GPC4: variants seen among roughly 807,000 people sequenced by gnomAD.
The protein encoded by GPC4 is glypican-4.
Under a neutral mutation model 35.0 loss-of-function variants are expected in GPC4, and 10 were observed. The observed-to-expected ratio is 0.29, with a 90% CI of 0.18 to 0.48. The LOEUF is 0.48. Ranked by LOEUF, GPC4 falls within the 20% of genes least tolerant of loss-of-function variation. The pLI, the probability that GPC4 is intolerant of heterozygous loss-of-function variation, is 0.99. For missense variants in GPC4, 322 were observed against 451.3 expected, an observed-to-expected ratio of 0.71 and a Z score of 2.60; for synonymous variants, 167 against 170.2, an observed-to-expected ratio of 0.98 and a Z score of 0.15.
At chrX:133,325,249 A>G (rs969899172) in intron 2 of GPC4, among the ~76,000 whole-genome samples, 3 of 110,387 alleles carry the variant, frequency 2.7e-5, no homozygotes, top group Non-Finnish European at 5.7e-5. Flanking sequence ...ACTCTTTTCA[A>G]TGTTCCTTCT....
chrX:133,317,657 T>G (rs1379596407), intron 3 of GPC4, among the ~76,000 whole-genome samples: 1 of 111,727 alleles, frequency 9.0e-6, no homozygotes, highest in Non-Finnish European at 1.9e-5. Context: ...TTGCACTATT[T>G]TTTTGTTTTT....
At chrX:133,315,667 G>A (rs1052567696) in intron 3 of GPC4, among the ~76,000 whole-genome samples, 2 of 111,568 alleles carry the variant, frequency 1.8e-5, no homozygotes, top group Non-Finnish European at 3.8e-5. Flanking sequence ...AGGGATTAAC[G>A]AAAAGGTCTT....
intron 1 of GPC4, among the ~76,000 whole-genome samples, chrX:133,379,465 G>A (rs1459984350): frequency 1.8e-5 from 2 of 112,069 alleles, no homozygotes; most frequent in Non-Finnish European, 3.8e-5. Context: ...TACTTTTGAA[G>A]TCACGAAAAT....
At chrX:133,358,686 T>C (rs1414824056) in intron 1 of GPC4, among the ~76,000 whole-genome samples, 6 of 111,904 alleles carry the variant, frequency 5.4e-5, no homozygotes, top group East Asian at 5.6e-4. Flanking sequence ...CTCTGTACCA[T>C]TGTGATGCAT....
intron 4 of GPC4, among the ~76,000 whole-genome samples, chrX:133,310,498 T>C (rs911818652): frequency 9.0e-6 from 1 of 111,697 alleles, no homozygotes; most frequent in East Asian, 2.8e-4. Flanking sequence ...TCATTTACAT[T>C]GCTGTCTGGG....
At chrX:133,375,277 G>A (rs928896771) in intron 1 of GPC4, among the ~76,000 whole-genome samples, 18 of 111,410 alleles carry the variant, frequency 1.6e-4, no homozygotes, top group African/African-American at 5.5e-4. Flanking sequence ...AATGGAGGCA[G>A]TTCAGAGTTA....
At chrX:133,336,851 T>C (rs1416154115) in intron 2 of GPC4, among the ~76,000 whole-genome samples, 1 of 110,783 alleles carries the variant, frequency 9.0e-6, no homozygotes, top group Non-Finnish European at 1.9e-5. Context: ...CAGGGTCTTG[T>C]TCTGTTGCCT....
chrX:133,385,816 T>C (rs1040370096), intron 1 of GPC4, among the ~76,000 whole-genome samples: 6 of 110,826 alleles, frequency 5.4e-5, no homozygotes, highest in African/African-American at 2.0e-4. Context: ...AAACTAACGT[T>C]TGATTTGTGG....
At chrX:133,303,841 A>G (rs2068278729) in intron 7 of GPC4, among the ~76,000 whole-genome samples, 1 of 107,895 alleles carries the variant, frequency 9.3e-6, no homozygotes. Context: ...GATTGCAGTG[A>G]GGTTGCAATG....
chrX:133,365,241 TTTTAAAAC>T (rs1205439207), intron 1 of GPC4, among the ~76,000 whole-genome samples: 4 of 111,800 alleles, frequency 3.6e-5, no homozygotes, highest in Non-Finnish European at 7.5e-5. Flanking sequence ...TCCACCTAAT[TTTTAAAAC>T]TTCATCTTTT....
In GPC4 at chrX:133,378,469, G is replaced by A. The variant is rs767063017; in HGVS notation, c.160+36337C>T. Among the ~76,000 whole-genome samples, 633 of 107,414 alleles carry A rather than the reference G, an allele frequency of 5.9e-3. 7 individuals carry two copies. Among genetic ancestry groups the A allele is most frequent in the African/African-American group, 0.02 (593 of 29,323 alleles). 93.3% of individuals were successfully genotyped at this position (107,414 alleles called of 115,157 possible). A position where few individuals can be genotyped will look rare whatever the true frequency, so the allele number is the denominator to read the frequency against. ...GCCTGTAGTCCCAGCTACTCTACTC[G>A]GGAGGCTGAGGCAGGAGAATGGTGT... On this transcript the variant is annotated intron_variant, in intron 1 of 8. Transcript: ENST00000370828.
In GPC4 at chrX:133,415,229, C is replaced by T. The variant is rs2124192079; in HGVS notation, c.-264G>A. The T allele has an allele frequency of 2.2e-5, 7 of 324,006 alleles. No homozygotes were observed. In the South Asian group the frequency reaches 3.7e-4, roughly 17 times the overall value. The allele number at this position is 324,006 out of a possible 1,213,427, so 26.7% of individuals were successfully genotyped here. The stretch of plus-strand genomic sequence containing the variant: ...GGAGGCGGCGCGCGGCCCAGGGAAG[C>T]AGAGGCGCGGGCTGGTGACCTCGGG... On this transcript the variant is annotated 5_prime_UTR_variant, in exon 1 of 9. Transcript: ENST00000370828.
At chrX:133,354,568 A>ATTTATTTTTTTT (rs781240039) in intron 1 of GPC4, among the ~76,000 whole-genome samples, 12 of 95,198 alleles carry the variant, frequency 1.3e-4, no homozygotes, top group Admixed American at 3.3e-4. Flanking sequence ...TTATTTATTT[A>ATTTATTTTTTTT]TTTTTTTTTT....
chrX:133,395,236 TA>T (rs1296483242), intron 1 of GPC4, among the ~76,000 whole-genome samples: 1 of 112,064 alleles, frequency 8.9e-6, no homozygotes, highest in Admixed American at 9.5e-5. Flanking sequence ...CTATTGTTAT[TA>T]AATTAATAAT....
chrX:133,342,489 CT>C (rs1289898831), intron 1 of GPC4, among the ~76,000 whole-genome samples: 1 of 112,137 alleles, frequency 8.9e-6, no homozygotes, highest in Admixed American at 9.4e-5. Context: ...GCAAAGTCGT[CT>C]GCCCCTCAGT....
intron 1 of GPC4, among the ~76,000 whole-genome samples, chrX:133,411,277 T>C (rs1187568250): frequency 1.8e-5 from 2 of 112,025 alleles, no homozygotes. Context: ...TCATTCAATG[T>C]CATTGTGAAG....
chrX:133,395,472 A>G (rs2068738601), intron 1 of GPC4, among the ~76,000 whole-genome samples: 1 of 110,470 alleles, frequency 9.1e-6, no homozygotes, highest in Non-Finnish European at 1.9e-5. Context: ...AAAAAATACA[A>G]AATTAGCCAG....
intron 1 of GPC4, chrX:133,414,422 G>C: frequency 2.7e-6 from 2 of 730,367 alleles, no homozygotes; most frequent in Non-Finnish European, 3.2e-6. Flanking sequence ...GTCCTATAAG[G>C]AGTTCAACCC....
chrX:133,403,451 T>C, intron 1 of GPC4, among the ~76,000 whole-genome samples: 1 of 111,494 alleles, frequency 9.0e-6, no homozygotes, highest in Non-Finnish European at 1.9e-5. Flanking sequence ...ATCACATTCA[T>C]GAGGGTTTAC....
Sources: gnomAD v4.1 joint callset for allele counts (sites outside exome capture counted in the v4.1 genomes callset) on GRCh38, gnomAD v4.1.1 for gene constraint, MANE v1.5 for transcripts, NCBI Gene and HGNC (gene_info 2026-07-23, HGNC 2026-07-21) for gene names.